The following EXOC2 variants were observed in gnomAD, a reference collection of about 807,000 sequenced individuals.
EXOC2 encodes the protein SEC5-like 1.
EXOC2 carries 70 observed loss-of-function variants against 131.8 expected under a neutral mutation model. That is an observed-to-expected ratio of 0.53 (90% CI 0.44 to 0.65). The LOEUF (loss-of-function observed/expected upper bound fraction) is 0.65. EXOC2 is among the 30% of genes least tolerant of loss of function. The probability of loss-of-function intolerance (pLI) is 0.00; values close to 1 mark genes in which losing one functional copy is unlikely to be tolerated. For synonymous variants in EXOC2, 411 were observed against 398.4 expected (o/e 1.03, Z -0.38); for missense variants, 923 against 1,108.6 (o/e 0.83, Z 2.38).
intron 23 of EXOC2, among the ~76,000 whole-genome samples, chr6:518,221 A>G: frequency 6.6e-6 from 1 of 152,238 alleles, no homozygotes; most frequent in Non-Finnish European, 1.5e-5. Context: ...ATGATCGAAT[A>G]TCTGGGATTT....
chr6:533,442 G>GT (rs780071559), intron 22 of EXOC2, among the ~76,000 whole-genome samples: 18 of 152,140 alleles, frequency 1.2e-4, no homozygotes, highest in Non-Finnish European at 2.2e-4. Context: ...TCTCCCTCCA[G>GT]TTACAGCTCT....
intron 11 of EXOC2, among the ~76,000 whole-genome samples, chr6:577,519 A>G (rs1758650579): frequency 6.6e-6 from 1 of 152,342 alleles, no homozygotes; most frequent in Admixed American, 6.5e-5. Context: ...AATCCAAATT[A>G]TGCTGAGAAT....
intron 11 of EXOC2, among the ~76,000 whole-genome samples, chr6:587,061 A>T (rs375813686): frequency 6.6e-6 from 1 of 152,232 alleles, no homozygotes; most frequent in Non-Finnish European, 1.5e-5. Flanking sequence ...TATATTATAT[A>T]TAATTAGGAC....
rs188908901 is a variant in EXOC2 at position 589,112 on chromosome 6, T to C, written c.1192+3357A>G. Among the ~76,000 whole-genome samples, 5 of 152,382 alleles carry C rather than the reference T, an allele frequency of 3.3e-5. No homozygotes were observed. The East Asian group carries it at 9.6e-4, about 29-fold the overall frequency. ...TCAGTTTGTTTCCTGAAAGTATAAG[T>C]AGGAAAATCCTTGGTCAGACCACAT... is the stretch of plus-strand genomic sequence containing the variant. On this transcript the variant is annotated intron_variant, in intron 11 of 27. Coordinates refer to ENST00000230449, the MANE Select transcript of EXOC2 (RefSeq NM_018303.6).
chr6:522,721 T>C (rs1272651500), intron 23 of EXOC2, among the ~76,000 whole-genome samples: 1 of 151,644 alleles, frequency 6.6e-6, no homozygotes, highest in Non-Finnish European at 1.5e-5. Context: ...GGTGAAATGA[T>C]GGTGCAGCAA....
intron 1 of EXOC2, among the ~76,000 whole-genome samples, chr6:690,226 C>G (rs887237725): frequency 6.6e-6 from 1 of 152,090 alleles, no homozygotes; most frequent in Non-Finnish European, 1.5e-5. Context: ...CCCGGTGGCA[C>G]GCACCTATAG....
intron 27 of EXOC2, among the ~76,000 whole-genome samples, chr6:488,284 ACCACAT>A (rs1763206488): frequency 6.6e-6 from 1 of 152,178 alleles, no homozygotes; most frequent in South Asian, 2.1e-4. Flanking sequence ...CAGTCAGTGC[ACCACAT>A]GTGCCTGTCT....
At chr6:553,348 A>G (rs1757245910) in intron 21 of EXOC2, among the ~76,000 whole-genome samples, 1 of 151,818 alleles carries the variant, frequency 6.6e-6, no homozygotes, top group Non-Finnish European at 1.5e-5. Flanking sequence ...GTATATATAC[A>G]TATGTATATA....
Position 494,666 on chromosome 6 carries a change from A to T in EXOC2, c.2559+2701T>A, listed in dbSNP as rs947237045. Among the ~76,000 whole-genome samples, 6 of 152,298 alleles carry T rather than the reference A, an allele frequency of 3.9e-5. No homozygotes were observed. In the South Asian group the frequency reaches 6.2e-4, roughly 16 times the overall value. The stretch of plus-strand genomic sequence containing the variant: ...CATCACAGTTAGTTTTATTTGTTCT[A>T]GAACTTCATGTAAATGAAAACTATA... On this transcript the variant is annotated intron_variant, in intron 25 of 27. Transcript: ENST00000230449.
intron 22 of EXOC2, among the ~76,000 whole-genome samples, chr6:533,257 A>C (rs1373285459): frequency 1.3e-5 from 2 of 152,132 alleles, no homozygotes; most frequent in Non-Finnish European, 2.9e-5. Context: ...TTCTGTACAC[A>C]GAGCAAGAGG....
chr6:564,518 T>C, intron 15 of EXOC2, 27 bp downstream of exon 15: 1 of 1,613,342 alleles, frequency 6.2e-7, no homozygotes, highest in Non-Finnish European at 8.5e-7. Context: ...GAAGTACGCC[T>C]TTCTCTGAGA....
At chr6:656,519 C>A in intron 1 of EXOC2, 3 of 1,605,664 alleles carry the variant, frequency 1.9e-6, no homozygotes, top group Non-Finnish European at 2.5e-6. Context: ...GGCAGTCCCG[C>A]CACACTCTCC....
intron 9 of EXOC2, 66 bp downstream of exon 9, chr6:598,794 G>T: frequency 1.5e-6 from 2 of 1,319,130 alleles, no homozygotes; most frequent in South Asian, 2.6e-5. Context: ...ATTCTTTGCA[G>T]AACACATTCC....
At chr6:516,080 G>T (rs1362924080) in intron 23 of EXOC2, among the ~76,000 whole-genome samples, 1 of 152,110 alleles carries the variant, frequency 6.6e-6, no homozygotes, top group African/African-American at 2.4e-5. Flanking sequence ...CCAGTTCAAA[G>T]GAATAATCTG....
chr6:501,138 CTATATATAT>C (rs1185193360), intron 23 of EXOC2, among the ~76,000 whole-genome samples: 1 of 8,914 alleles, frequency 1.1e-4, no homozygotes, highest in Non-Finnish European at 2.3e-4. Context: ...TTATATATAT[CTATATATAT>C]TATATATATC....
chr6:684,932 G>T (rs995376385), intron 1 of EXOC2, among the ~76,000 whole-genome samples: 1 of 152,106 alleles, frequency 6.6e-6, no homozygotes, highest in African/African-American at 2.4e-5. Flanking sequence ...AGTGATCACG[G>T]TCTCACCTTG....
At chr6:488,260 C>T (rs1468886955) in intron 27 of EXOC2, among the ~76,000 whole-genome samples, 3 of 152,196 alleles carry the variant, frequency 2.0e-5, no homozygotes, top group Non-Finnish European at 2.9e-5. Context: ...ACTGCATTCA[C>T]GGTGCCAGCA....
chr6:552,629 C>CA (rs11315958), intron 21 of EXOC2, among the ~76,000 whole-genome samples: 2 of 151,772 alleles, frequency 1.3e-5, no homozygotes, highest in Non-Finnish European at 2.9e-5. Flanking sequence ...TCAACAACAA[C>CA]AAAAAAAAAC....
intron 23 of EXOC2, among the ~76,000 whole-genome samples, chr6:513,142 C>G (rs376424379): frequency 6.6e-6 from 1 of 152,248 alleles, no homozygotes; most frequent in Non-Finnish European, 1.5e-5. Context: ...AACACTCATT[C>G]TCTTGGGTCA....
Sources: gnomAD v4.1 joint callset for allele counts (sites outside exome capture counted in the v4.1 genomes callset) on GRCh38, gnomAD v4.1.1 for gene constraint, MANE v1.5 for transcripts, NCBI Gene and HGNC (gene_info 2026-07-23, HGNC 2026-07-21) for gene names.